Variants in SORL1 observed in about 807,000 individuals in gnomAD.
SORL1 encodes sortilin-related receptor.
SORL1 carries 127 observed loss-of-function variants against 273.7 expected under a neutral mutation model. The ratio of observed to expected loss-of-function variants is 0.46; its 90% CI spans 0.40 to 0.54. The LOEUF (loss-of-function observed/expected upper bound fraction) is 0.54, where lower values mean the gene tolerates loss of function less well. Among genes scored for constraint, SORL1 ranks in the 20% least tolerant of loss-of-function variants. SORL1 has a pLI of 0.00. For synonymous variants in SORL1, 1,031 were observed against 1,067.4 expected (o/e 0.97, Z 0.66); for missense variants, 2,494 against 2,846.1 (o/e 0.88, Z 2.81).
chr11:121,503,018 G>A (rs984530687), intron 6 of SORL1, among the ~76,000 whole-genome samples: 41 of 152,104 alleles, frequency 2.7e-4, no homozygotes, highest in African/African-American at 9.2e-4. Context: ...CCACAGGCAT[G>A]TGCCACCATA....
chr11:121,525,047 C>T lies in SORL1; in HGVS notation c.1596+2058C>T, dbSNP rs141035026. Among the ~76,000 whole-genome samples, 746 of 152,282 alleles carry T rather than the reference C, an allele frequency of 4.9e-3. 6 individuals are homozygous for T. The highest frequency in any genetic ancestry group is 0.017 in the African/African-American group (697 of 41,546). On this transcript the variant is annotated intron_variant, in intron 11 of 47. Coordinates refer to ENST00000260197, the MANE Select transcript of SORL1 (RefSeq NM_003105.6). ...CAGTTTGATCAGAATTAATTATGGT[C>T]GCCACAATTAAGATAACAAACATTT...
intron 6 of SORL1, among the ~76,000 whole-genome samples, chr11:121,503,732 C>A (rs924032676): frequency 6.6e-6 from 1 of 152,278 alleles, no homozygotes; most frequent in East Asian, 1.9e-4. Context: ...AATTCTATTC[C>A]ATTAATCTGT....
chr11:121,543,748 C>G, intron 13 of SORL1, 22 bp downstream of exon 13: 1 of 1,602,208 alleles, frequency 6.2e-7, no homozygotes, highest in Non-Finnish European at 8.5e-7. Context: ...CCTCCTTGGA[C>G]CTTTTCACAT....
At position 121,585,617 on chromosome 11, in the gene SORL1, GC is replaced by G. The variant is rs1863090407; in HGVS notation, c.3707-602del. 1.3e-5 allele frequency among the ~76,000 whole-genome samples: 2 copies of G among 151,762 alleles called. 1 individual carries two copies. The highest frequency in any genetic ancestry group is 4.2e-4 in the South Asian group (2 of 4,814). ...CAGGTGTAGGTTGATCTCCTCACCT[GC>G]CCAGTTCCCACTTTTTCCTAATAGG... On this transcript the variant is annotated intron_variant, in intron 26 of 47. Transcript: ENST00000260197.
intron 32 of SORL1, among the ~76,000 whole-genome samples, chr11:121,601,360 T>C (rs1482761902): frequency 1.4e-5 from 2 of 147,318 alleles, no homozygotes; most frequent in Admixed American, 6.8e-5. Flanking sequence ...TAAACATACG[T>C]GTGCATGTGT....
intron 32 of SORL1, among the ~76,000 whole-genome samples, chr11:121,598,028 T>A (rs113518406): frequency 6.6e-6 from 1 of 151,466 alleles, no homozygotes; most frequent in African/African-American, 2.4e-5. Flanking sequence ...ACCTGTAGAG[T>A]GGCTGTGGGT....
At position 121,567,829 on chromosome 11, in the gene SORL1, A is replaced by G. The variant is rs376446754; in HGVS notation, c.3223+716A>G. ...TGAACCCCTGCAAGGGCACCTTGCC[A>G]TGAAGTGCATGGATTGATGGCCAGA... On this transcript the variant is annotated intron_variant, in intron 22 of 47. Coordinates refer to ENST00000260197, the MANE Select transcript of SORL1 (RefSeq NM_003105.6). Among the ~76,000 whole-genome samples, 13 of 152,348 alleles carry G rather than the reference A, an allele frequency of 8.5e-5. 1 individual carries two copies. The East Asian group carries it at 9.6e-4, about 11-fold the overall frequency.
At position 121,550,642 on chromosome 11, in the gene SORL1, A is replaced by G; in HGVS notation, c.2238A>G (p.Glu746=). The part of the protein sequence containing the change: ...CSGGDVEARL[E]GELVPCPLAE... ...GAGGAGATGTTGAAGCGCGACTGGAAGGAGAGCTGGTCCCCTGTCCCCTGG... is the reference window on the plus strand; with the variant it reads ...GAGGAGATGTTGAAGCGCGACTGGAGGGAGAGCTGGTCCCCTGTCCCCTGG... The change falls in exon 16 of 48, where the codon GAA becomes GAG. Residue 746 remains glutamate, a synonymous_variant. Coordinates refer to ENST00000260197, the MANE Select transcript of SORL1 (RefSeq NM_003105.6). This position sits in a 1 kb window ranked among gnomAD's most constrained non-coding sequence, Gnocchi z 5.3. 6.8e-6 allele frequency: 11 copies of G among 1,614,120 alleles called. No homozygotes were observed. The highest frequency in any genetic ancestry group is 9.3e-6 in the Non-Finnish European group (11 of 1,179,960).
chr11:121,622,997 A>G (rs79385817), intron 45 of SORL1, among the ~76,000 whole-genome samples: 1,756 of 152,374 alleles, frequency 0.012, 47 homozygotes, highest in African/African-American at 0.041. Context: ...ACCGTGCAAT[A>G]CCAAAGCAAA....
chr11:121,555,159 G>A, intron 17 of SORL1, 28 bp from the exon 18 acceptor site: 2 of 1,606,392 alleles, frequency 1.2e-6, no homozygotes, highest in Non-Finnish European at 1.7e-6. Context: ...ACAGTTCCTA[G>A]CATTTATTAT....
rs1357875482 is a variant in SORL1 at position 121,596,342 on chromosome 11, T to A, written c.4519+570T>A. Among the ~76,000 whole-genome samples, 2 of 152,180 alleles carry A rather than the reference T, an allele frequency of 1.3e-5. No homozygotes were observed. The highest frequency in any genetic ancestry group is 2.9e-5 in the Non-Finnish European group (2 of 68,026). On this transcript the variant is annotated intron_variant, in intron 32 of 47. Transcript: ENST00000260197. The surrounding 1 kb of genome is among the most constrained non-coding windows in gnomAD (Gnocchi z 4.3). ...CGGGTTTGGAGTTGGTGGGTCCTGG[T>A]GTTTGGTCCTCTGATGAACCCAGGG...
chr11:121,592,441 GC>G (rs1863230594), intron 31 of SORL1, among the ~76,000 whole-genome samples: 1 of 152,224 alleles, frequency 6.6e-6, no homozygotes, highest in South Asian at 2.1e-4. Context: ...TGGGATTTCT[GC>G]TTTGAACAAG....
chr11:121,504,256 A>G (rs149365648), intron 6 of SORL1, among the ~76,000 whole-genome samples: 2 of 152,324 alleles, frequency 1.3e-5, no homozygotes, highest in African/African-American at 4.8e-5. Context: ...TACTAAAAAT[A>G]CAAAAATTAG....
intron 1 of SORL1, among the ~76,000 whole-genome samples, chr11:121,463,571 A>G (rs1009755136): frequency 6.6e-6 from 1 of 152,378 alleles, no homozygotes; most frequent in Middle Eastern, 3.4e-3. Context: ...TAGAATGGTC[A>G]TGGCTCCAGT....
chr11:121,588,000 C>A lies in SORL1; in HGVS notation c.3815-20C>A. On this transcript the variant is annotated intron_variant, in intron 27 of 47. Transcript: ENST00000260197. ...AGCCGCAGTGCTCATGGCCTCTTCC[C>A]TTCTCTGGATCCCTTACAGAGCCCC... is the stretch of plus-strand genomic sequence containing the variant. 2 of 1,611,736 alleles carry A rather than the reference C, an allele frequency of 1.2e-6. No individual in the cohort carries two copies. The highest frequency in any genetic ancestry group is 2.2e-5 in the South Asian group (2 of 90,824).
chr11:121,463,354 A>T (rs951582429), intron 1 of SORL1, among the ~76,000 whole-genome samples: 1 of 152,144 alleles, frequency 6.6e-6, no homozygotes, highest in East Asian at 1.9e-4. Flanking sequence ...AGCCCCTCCC[A>T]AAACAGCAAA....
intron 6 of SORL1, among the ~76,000 whole-genome samples, chr11:121,498,919 C>T (rs1261807716): frequency 2.0e-5 from 3 of 152,042 alleles, no homozygotes; most frequent in Non-Finnish European, 4.4e-5. Context: ...TTTCTGTGCC[C>T]TCCATTCTAG....
At chr11:121,538,833 C>T (rs768264823) in intron 12 of SORL1, among the ~76,000 whole-genome samples, 34 of 152,030 alleles carry the variant, frequency 2.2e-4, no homozygotes, top group Non-Finnish European at 4.4e-4. Flanking sequence ...CATGCACCAC[C>T]ACGCCCAGCT....
At chr11:121,481,025 CA>C (rs1861372774) in intron 3 of SORL1, among the ~76,000 whole-genome samples, 1 of 118,512 alleles carries the variant, frequency 8.4e-6, no homozygotes. Flanking sequence ...AGGCAGGCTT[CA>C]TCTCCTCCTC....
Sources: allele counts gnomAD v4.1 joint callset (sites outside exome capture counted in the v4.1 genomes callset), GRCh38; gene constraint gnomAD v4.1.1; non-coding constraint Gnocchi (gnomAD v3.1); transcripts MANE v1.5; gene names NCBI Gene and HGNC (gene_info 2026-07-23, HGNC 2026-07-21).